The following AGBL4 variants were observed in gnomAD, a reference collection of about 807,000 sequenced individuals.
AGBL4 encodes cytosolic carboxypeptidase 6.
Under a neutral mutation model 66.4 loss-of-function variants are expected in AGBL4, and 58 were observed. The observed-to-expected ratio is 0.87, with a 90% CI of 0.71 to 1.09. AGBL4 has a LOEUF of 1.09. AGBL4 is among the 50% of genes least tolerant of loss of function. AGBL4 has a pLI of 0.00. For synonymous variants in AGBL4, 234 were observed against 222.9 expected (o/e 1.05, Z -0.44); for missense variants, 579 against 631.0 (o/e 0.92, Z 0.88).
chr1:49,921,928 A>G (rs1652298727), intron 1 of AGBL4, among the ~76,000 whole-genome samples: 1 of 152,124 alleles, frequency 6.6e-6, no homozygotes, highest in South Asian at 2.1e-4. Flanking sequence ...ACCCTCACTA[A>G]TACAACCAAA....
At chr1:48,654,925 G>A (rs1188165708) in intron 7 of AGBL4, among the ~76,000 whole-genome samples, 2 of 152,236 alleles carry the variant, frequency 1.3e-5, no homozygotes, top group Non-Finnish European at 2.9e-5. Context: ...GGGTAATGAT[G>A]CCAGGCGCCC....
intron 6 of AGBL4, among the ~76,000 whole-genome samples, chr1:48,741,288 G>A (rs1354501950): frequency 2.0e-5 from 3 of 152,228 alleles, no homozygotes; most frequent in African/African-American, 7.2e-5. Context: ...CCTTTGGAGA[G>A]CATCAATCCA....
intron 1 of AGBL4, among the ~76,000 whole-genome samples, chr1:49,996,845 T>A (rs1000418224): frequency 6.6e-6 from 1 of 152,074 alleles, no homozygotes. Context: ...GGAAAACCAA[T>A]CAGATTAATA....
At chr1:49,468,744 A>G (rs752846631) in intron 3 of AGBL4, among the ~76,000 whole-genome samples, 2 of 151,770 alleles carry the variant, frequency 1.3e-5, no homozygotes, top group Non-Finnish European at 2.9e-5. Flanking sequence ...ACCTTTAGAG[A>G]GTTCTAATTT....
At chr1:49,261,529 A>G (rs1274792883) in intron 3 of AGBL4, among the ~76,000 whole-genome samples, 1 of 149,938 alleles carries the variant, frequency 6.7e-6, no homozygotes, top group African/African-American at 2.4e-5. Flanking sequence ...ACAAACAGAG[A>G]GCCAAATCAT....
intron 4 of AGBL4, among the ~76,000 whole-genome samples, chr1:49,198,273 T>C: frequency 6.6e-6 from 1 of 152,186 alleles, no homozygotes; most frequent in East Asian, 1.9e-4. Flanking sequence ...TTCTTTTGTT[T>C]TTCTGTCAAA....
chr1:49,904,556 T>C (rs959608359), intron 1 of AGBL4, among the ~76,000 whole-genome samples: 3 of 152,108 alleles, frequency 2.0e-5, no homozygotes, highest in Non-Finnish European at 4.4e-5. Flanking sequence ...AAAGGGTTAG[T>C]TGGAAAACTC....
chr1:48,732,988 C>T (rs1648394833), intron 6 of AGBL4, among the ~76,000 whole-genome samples: 1 of 152,124 alleles, frequency 6.6e-6, no homozygotes, highest in South Asian at 2.1e-4. Context: ...GAGAAACACA[C>T]AAGGATTTAG....
intron 5 of AGBL4, among the ~76,000 whole-genome samples, chr1:48,981,651 G>A (rs565178311): frequency 3.9e-5 from 6 of 152,280 alleles, no homozygotes; most frequent in African/African-American, 1.2e-4. Flanking sequence ...TTGGGAGGCC[G>A]AGGCAGGTGG....
intron 3 of AGBL4, among the ~76,000 whole-genome samples, chr1:49,367,909 T>C (rs1644270582): frequency 6.6e-6 from 1 of 152,162 alleles, no homozygotes; most frequent in Non-Finnish European, 1.5e-5. Flanking sequence ...CATTAAGTAT[T>C]CATTCCTCAT....
chr1:49,235,137 G>T (rs1027924905), intron 4 of AGBL4, among the ~76,000 whole-genome samples: 6 of 152,102 alleles, frequency 3.9e-5, no homozygotes, highest in African/African-American at 1.2e-4. Context: ...TAGTCTCTTT[G>T]TGTGCAAAAT....
chr1:48,601,925 C>CAA (rs1645079567), intron 9 of AGBL4, among the ~76,000 whole-genome samples: 1 of 151,928 alleles, frequency 6.6e-6, no homozygotes, highest in African/African-American at 2.4e-5. Context: ...GAAAACAAGA[C>CAA]AAAAAAATCA....
intron 1 of AGBL4, among the ~76,000 whole-genome samples, chr1:49,883,415 C>G (rs1571797802): frequency 6.6e-6 from 1 of 152,090 alleles, no homozygotes; most frequent in East Asian, 1.9e-4. Context: ...TGTGTTCCCA[C>G]AGAACATTGT....
At chr1:48,873,719 C>T (rs1474708935) in intron 5 of AGBL4, among the ~76,000 whole-genome samples, 1 of 152,140 alleles carries the variant, frequency 6.6e-6, no homozygotes, top group Non-Finnish European at 1.5e-5. Flanking sequence ...AATAGGCACA[C>T]ATCAACATAC....
intron 2 of AGBL4, among the ~76,000 whole-genome samples, chr1:49,828,436 G>T (rs968095822): frequency 6.6e-6 from 1 of 152,158 alleles, no homozygotes; most frequent in African/African-American, 2.4e-5. Context: ...GATGGTGTGG[G>T]GGAGGTGATC....
intron 4 of AGBL4, among the ~76,000 whole-genome samples, chr1:49,047,631 T>C (rs1233321127): frequency 2.0e-5 from 3 of 152,100 alleles, no homozygotes. Context: ...TCCTGATCCT[T>C]CTGTACATGC....
chr1:49,591,650 A>G (rs573541644), intron 3 of AGBL4, among the ~76,000 whole-genome samples: 1 of 152,336 alleles, frequency 6.6e-6, no homozygotes, highest in South Asian at 2.1e-4. Flanking sequence ...AGCAAAAATA[A>G]CAAAGCCAGA....
At chr1:49,400,992 C>G (rs1645073240) in intron 3 of AGBL4, among the ~76,000 whole-genome samples, 1 of 151,978 alleles carries the variant, frequency 6.6e-6, no homozygotes, top group Non-Finnish European at 1.5e-5. Flanking sequence ...CCTTTTATAC[C>G]CAGTTTTTTG....
chr1:48,692,955 C>T (rs1364037941), intron 6 of AGBL4, among the ~76,000 whole-genome samples: 1 of 152,194 alleles, frequency 6.6e-6, no homozygotes, highest in Admixed American at 6.5e-5. Context: ...ATATAATCTT[C>T]TGAATAACCC....
Sources: allele counts gnomAD v4.1 joint callset (sites outside exome capture counted in the v4.1 genomes callset), GRCh38; gene constraint gnomAD v4.1.1; transcripts MANE v1.5; gene names NCBI Gene and HGNC (gene_info 2026-07-23, HGNC 2026-07-21).